Variants in B4GALT1 observed in about 807,000 individuals in gnomAD.
B4GALT1 encodes beta-1,4-galactosyltransferase 1, also known as N-acetyllactosamine synthase.
B4GALT1 carries 16 observed loss-of-function variants against 34.9 expected under a neutral mutation model. The observed-to-expected ratio is 0.46, with a 90% CI of 0.31 to 0.70. The LOEUF (loss-of-function observed/expected upper bound fraction) is 0.70, where lower values mean the gene tolerates loss of function less well. Among genes scored for constraint, B4GALT1 ranks in the 30% least tolerant of loss-of-function variants. The pLI is 0.05. For missense variants in B4GALT1, 445 were observed against 530.5 expected (o/e 0.84, Z 1.58); for synonymous variants, 221 against 218.1 (o/e 1.01, Z -0.12).
chr9:33,134,644 A>G (rs1840240963), intron 2 of B4GALT1, among the ~76,000 whole-genome samples: 1 of 152,230 alleles, frequency 6.6e-6, no homozygotes. Flanking sequence ...TTTTTCTCAG[A>G]CTCGGCCCAG....
At chr9:33,157,610 A>G (rs1260689198) in intron 1 of B4GALT1, among the ~76,000 whole-genome samples, 2 of 152,220 alleles carry the variant, frequency 1.3e-5, no homozygotes, top group African/African-American at 4.8e-5. Context: ...ATATGTATGC[A>G]TTTGAAAAGT....
At chr9:33,169,813 G>A (rs144171311), upstream of B4GALT1, among the ~76,000 whole-genome samples, 61 of 151,964 alleles carry the variant, frequency 4.0e-4, no homozygotes, top group Non-Finnish European at 7.7e-4. Context: ...GAGCCACCGC[G>A]CCCGGCCTTA....
chr9:33,107,502 C>G (rs986530607), downstream of B4GALT1, among the ~76,000 whole-genome samples: 3 of 152,174 alleles, frequency 2.0e-5, no homozygotes, highest in Admixed American at 6.5e-5. Context: ...CACTCATTCA[C>G]CCCCAGGGGC....
At chr9:33,164,130 G>A (rs1840714898) in intron 1 of B4GALT1, among the ~76,000 whole-genome samples, 1 of 152,178 alleles carries the variant, frequency 6.6e-6, no homozygotes, top group East Asian at 1.9e-4. Context: ...TCAGCTGAGA[G>A]GAATCTCAGC....
At chr9:33,156,486 C>A (rs887076274) in intron 1 of B4GALT1, among the ~76,000 whole-genome samples, 1 of 152,152 alleles carries the variant, frequency 6.6e-6, no homozygotes, top group Non-Finnish European at 1.5e-5. Flanking sequence ...ATCATTCCAT[C>A]ATTTATGCAA....
intron 2 of B4GALT1, among the ~76,000 whole-genome samples, chr9:33,130,596 G>C (rs1283966611): frequency 1.8e-5 from 2 of 111,028 alleles, no homozygotes; most frequent in South Asian, 5.8e-4. Context: ...TAATTACAGA[G>C]GCATAAGCCA....
chr9:33,122,933 C>G (rs925072443), intron 2 of B4GALT1, among the ~76,000 whole-genome samples: 1 of 152,098 alleles, frequency 6.6e-6, no homozygotes, highest in African/African-American at 2.4e-5. Context: ...CACTTGAGGT[C>G]AGGAGTTCGA....
intron 1 of B4GALT1, among the ~76,000 whole-genome samples, chr9:33,149,229 G>A (rs904758491): frequency 1.3e-5 from 2 of 151,340 alleles, no homozygotes; most frequent in Admixed American, 6.6e-5. Context: ...GAAAGTTTGA[G>A]GAGTAACAGG....
chr9:33,174,978 AAAAAAAAAAAAAATATATAT>A, the B4GALT1 span, among the ~76,000 whole-genome samples: 1 of 19,990 alleles, frequency 5.0e-5, no homozygotes, highest in Non-Finnish European at 1.3e-4. Context: ...AAAAAAAAAA[AAAAAAAAAAAAAATATATAT>A]ATATATATAT....
At chr9:33,169,630 C>G (rs1487716921), upstream of B4GALT1, among the ~76,000 whole-genome samples, 1 of 151,822 alleles carries the variant, frequency 6.6e-6, no homozygotes, top group Non-Finnish European at 1.5e-5. Flanking sequence ...AAGCGATTCT[C>G]CTGCCTCAGC....
intron 2 of B4GALT1, among the ~76,000 whole-genome samples, chr9:33,129,229 G>A (rs540470251): frequency 1.3e-5 from 2 of 152,240 alleles, no homozygotes; most frequent in South Asian, 2.1e-4. Flanking sequence ...GACCATAAAG[G>A]TGCTGAGTCC....
intron 1 of B4GALT1, among the ~76,000 whole-genome samples, chr9:33,147,732 T>C (rs373083431): frequency 4.6e-5 from 7 of 151,916 alleles, no homozygotes; most frequent in East Asian, 3.9e-4. Flanking sequence ...ATGGGAAAAA[T>C]AGTTTTATGT....
At chr9:33,106,875 G>C (rs928312742), downstream of B4GALT1, among the ~76,000 whole-genome samples, 2 of 152,128 alleles carry the variant, frequency 1.3e-5, no homozygotes, top group Non-Finnish European at 2.9e-5. Flanking sequence ...CAGCAAGTGG[G>C]GAGTCAGAGA....
chr9:33,115,672 T>C (rs1244571595), intron 4 of B4GALT1, among the ~76,000 whole-genome samples: 1 of 152,144 alleles, frequency 6.6e-6, no homozygotes, highest in African/African-American at 2.4e-5. Context: ...GGGACCATAA[T>C]GAAAGGAGGG....
At position 33,112,567 on chromosome 9, in the gene B4GALT1, C is replaced by T. The variant is rs1839878728; in HGVS notation, c.*887G>A. The T allele has an allele frequency of 6.6e-6, 1 of 152,612 alleles. No individual in the cohort carries two copies. Among genetic ancestry groups the T allele is most frequent in the Admixed American group, 6.5e-5 (1 of 15,276 alleles). 9.5% of individuals were successfully genotyped at this position (152,612 alleles called of 1,614,324 possible). A position where few individuals can be genotyped will look rare whatever the true frequency, so the allele number is the denominator to read the frequency against. ...CTAAAAAATGCTCAATACCCCTCCC[C>T]ATATTTAAAACACCACAATAAAAAT... On this transcript the variant is annotated 3_prime_UTR_variant, in exon 6 of 6. Transcript: ENST00000379731.
chr9:33,152,806 G>A (rs572957370), intron 1 of B4GALT1, among the ~76,000 whole-genome samples: 3 of 152,108 alleles, frequency 2.0e-5, no homozygotes, highest in South Asian at 2.1e-4. Context: ...CCTGGGAGGC[G>A]GTGGTTGCAG....
chr9:33,177,055 T>C, the B4GALT1 span, among the ~76,000 whole-genome samples: 23,647 of 152,180 alleles, frequency 0.16, 2,324 homozygotes, highest in Middle Eastern at 0.25. Flanking sequence ...TGGCTGTATA[T>C]AATGCCCTGG....
chr9:33,175,020 T>TATATATATATATAA, the B4GALT1 span, among the ~76,000 whole-genome samples: 245 of 38,942 alleles, frequency 6.3e-3, 41 homozygotes, highest in Non-Finnish European at 7.4e-3. Flanking sequence ...TATATATATA[T>TATATATATATATAA]AAAATTGGAG....
chr9:33,140,435 T>C (rs1840332217), intron 1 of B4GALT1, among the ~76,000 whole-genome samples: 1 of 152,178 alleles, frequency 6.6e-6, no homozygotes, highest in African/African-American at 2.4e-5. Context: ...TATTAAAATG[T>C]CCTTTCTCTT....
Sources: allele counts gnomAD v4.1 joint callset (sites outside exome capture counted in the v4.1 genomes callset), GRCh38; gene constraint gnomAD v4.1.1; transcripts MANE v1.5; gene names NCBI Gene and HGNC (gene_info 2026-07-23, HGNC 2026-07-21).